Variants in CDK6 observed in about 807,000 individuals in gnomAD.
The protein encoded by CDK6 is cyclin-dependent kinase 6.
CDK6 carries 6 observed loss-of-function variants against 37.1 expected under a neutral mutation model. That is an observed-to-expected ratio of 0.16 (90% CI 0.09 to 0.32). The LOEUF is 0.32. Ranked by LOEUF, CDK6 falls within the 10% of genes least tolerant of loss-of-function variation. CDK6 has a pLI of 1.00. For synonymous variants in CDK6, 160 were observed against 161.3 expected, an observed-to-expected ratio of 0.99 and a Z score of 0.06; for missense variants, 224 against 418.9, an observed-to-expected ratio of 0.53 and a Z score of 4.06.
intron 2 of CDK6, among the ~76,000 whole-genome samples, chr7:92,799,819 C>T (rs754149493): frequency 6.6e-6 from 1 of 152,172 alleles, no homozygotes; most frequent in African/African-American, 2.4e-5. Flanking sequence ...ACAGGTTTTC[C>T]GGATTCCTAT....
At chr7:92,623,641 CTG>C (rs1795858441) in intron 5 of CDK6, among the ~76,000 whole-genome samples, 1 of 152,138 alleles carries the variant, frequency 6.6e-6, no homozygotes, top group South Asian at 2.1e-4. Context: ...AATCTTAACT[CTG>C]GGCTTTAGAG....
chr7:92,635,198 C>T (rs1796141808), intron 5 of CDK6, among the ~76,000 whole-genome samples: 1 of 152,124 alleles, frequency 6.6e-6, no homozygotes, highest in Admixed American at 6.6e-5. Context: ...AATCCTAGCT[C>T]CCTAAAACAC....
intron 4 of CDK6, among the ~76,000 whole-genome samples, chr7:92,675,624 C>T (rs928946189): frequency 3.9e-5 from 6 of 152,084 alleles, no homozygotes; most frequent in African/African-American, 1.2e-4. Context: ...TTCAAGCTTC[C>T]AATCTTTATT....
At chr7:92,750,564 C>G (rs922147522) in intron 3 of CDK6, among the ~76,000 whole-genome samples, 3 of 152,180 alleles carry the variant, frequency 2.0e-5, no homozygotes, top group Non-Finnish European at 4.4e-5. Flanking sequence ...AATGGGCTGA[C>G]TTTACATGAT....
At chr7:92,692,910 G>A (rs1797629116) in intron 4 of CDK6, among the ~76,000 whole-genome samples, 1 of 152,146 alleles carries the variant, frequency 6.6e-6, no homozygotes, top group Non-Finnish European at 1.5e-5. Context: ...TTTTCCTCGT[G>A]TAGAAGAAAA....
intron 2 of CDK6, among the ~76,000 whole-genome samples, chr7:92,831,563 C>CA (rs1411526062): frequency 6.6e-6 from 1 of 152,014 alleles, no homozygotes; most frequent in Non-Finnish European, 1.5e-5. Flanking sequence ...CAAAGAGCCC[C>CA]AAAAACGGAT....
chr7:92,735,789 T>C (rs1243875685), intron 3 of CDK6, among the ~76,000 whole-genome samples: 3 of 152,214 alleles, frequency 2.0e-5, no homozygotes, highest in Admixed American at 6.5e-5. Context: ...ACAGGAGTTA[T>C]AGAACATTCT....
intron 5 of CDK6, among the ~76,000 whole-genome samples, chr7:92,641,962 A>G (rs1160668146): frequency 1.3e-5 from 2 of 152,124 alleles, no homozygotes; most frequent in East Asian, 3.9e-4. Flanking sequence ...CCCTTAGAAA[A>G]CTGCATAGAA....
At chr7:92,652,894 T>C (rs567232965) in intron 5 of CDK6, among the ~76,000 whole-genome samples, 6 of 152,178 alleles carry the variant, frequency 3.9e-5, no homozygotes, top group African/African-American at 1.4e-4. Flanking sequence ...TTAACAAATA[T>C]ACAAATAGAA....
intron 3 of CDK6, among the ~76,000 whole-genome samples, chr7:92,736,184 T>C (rs867348635): frequency 1.3e-5 from 2 of 151,996 alleles, no homozygotes; most frequent in African/African-American, 2.4e-5. Flanking sequence ...TTATGTAATA[T>C]ATATTTATAT....
At chr7:92,783,777 C>T (rs1280730355) in intron 2 of CDK6, among the ~76,000 whole-genome samples, 4 of 152,076 alleles carry the variant, frequency 2.6e-5, no homozygotes, top group Non-Finnish European at 5.9e-5. Flanking sequence ...ACATTCCTAC[C>T]ACACGATCAG....
intron 4 of CDK6, among the ~76,000 whole-genome samples, chr7:92,682,015 C>T (rs972275451): frequency 2.0e-5 from 3 of 152,166 alleles, no homozygotes; most frequent in Admixed American, 6.5e-5. Context: ...AAAATCGCTA[C>T]CTACCCAGTT....
In CDK6 at chr7:92,611,261, A is replaced by G. The variant is rs1233967689; in HGVS notation, c.*3879T>C. On this transcript the variant is annotated 3_prime_UTR_variant, in exon 8 of 8. Coordinates refer to ENST00000424848, the MANE Select transcript of CDK6 (RefSeq NM_001145306.2). The stretch of plus-strand genomic sequence containing the variant: ...ATTATATAAATATCTAAGAGTTTAT[A>G]ATAACATTCCAATATTTTCTTTCCA... The G allele has an allele frequency of 2.2e-5, 5 of 224,964 alleles. No individual in the cohort carries two copies. Among genetic ancestry groups the G allele is most frequent in the Non-Finnish European group, 4.4e-5 (5 of 113,172 alleles). 13.9% of individuals were successfully genotyped at this position (224,964 alleles called of 1,614,324 possible).
rs147951167 is a variant in CDK6, at chr7:92,732,876, G to A, written c.370-7083C>T. 7.6e-4 allele frequency among the ~76,000 whole-genome samples: 115 copies of A among 152,270 alleles called. 1 individual carries two copies. The highest frequency in any genetic ancestry group is 2.7e-3 in the African/African-American group (113 of 41,540). ...TAGCAACCATCTTGAAACATCATCT[G>A]TACACATAAAAGGCCAGAGTGTAAA... On this transcript the variant is annotated intron_variant, in intron 3 of 7. Coordinates refer to ENST00000424848, the MANE Select transcript of CDK6 (RefSeq NM_001145306.2).
chr7:92,679,002 CTCT>C (rs916661607), intron 4 of CDK6, among the ~76,000 whole-genome samples: 8 of 152,178 alleles, frequency 5.3e-5, no homozygotes, highest in African/African-American at 1.9e-4. Context: ...ACTGCTTCCC[CTCT>C]TCTTCTAGGG....
chr7:92,618,929 C>A lies in CDK6; in HGVS notation c.699-722G>T, dbSNP rs1343922361. 2.0e-5 allele frequency among the ~76,000 whole-genome samples: 3 copies of A among 152,118 alleles called. No individual in the cohort carries two copies. The South Asian group carries it at 6.2e-4, about 32-fold the overall frequency. ...GATAAGCACAGGCTTCGGAAATAGG[C>A]AGATTTGGGTTCAAATCCTGCACCT... On this transcript the variant is annotated intron_variant, in intron 6 of 7. Transcript: ENST00000424848.
chr7:92,794,517 C>T (rs1399383195), intron 2 of CDK6, among the ~76,000 whole-genome samples: 2 of 152,096 alleles, frequency 1.3e-5, no homozygotes, highest in Non-Finnish European at 2.9e-5. Context: ...CTAGAATGTG[C>T]GTGATTTTTG....
At chr7:92,667,486 AT>A (rs1261509409) in intron 5 of CDK6, among the ~76,000 whole-genome samples, 1 of 152,112 alleles carries the variant, frequency 6.6e-6, no homozygotes, top group Non-Finnish European at 1.5e-5. Flanking sequence ...GAGCCACTGC[AT>A]CTGGCTTGCT....
rs143725766 is a variant in CDK6 at position 92,781,920 on chromosome 7, C to T, written c.234-7089G>A. On this transcript the variant is annotated intron_variant, in intron 2 of 7. Transcript: ENST00000424848. The stretch of plus-strand genomic sequence containing the variant: ...CACACATCTCACTAGCCCTACACTA[C>T]GGATATGGGCCACTGTATTCTCTTT... 1.4e-3 allele frequency among the ~76,000 whole-genome samples: 209 copies of T among 152,332 alleles called. 2 individuals carry two copies. The highest frequency in any genetic ancestry group is 4.3e-3 in the African/African-American group (178 of 41,588).
Sources: allele counts gnomAD v4.1 joint callset (sites outside exome capture counted in the v4.1 genomes callset), GRCh38; gene constraint gnomAD v4.1.1; transcripts MANE v1.5; gene names NCBI Gene and HGNC (gene_info 2026-07-23, HGNC 2026-07-21).